The following FOXN3 variants were observed in gnomAD, a reference collection of about 807,000 sequenced individuals.
The protein encoded by FOXN3 is forkhead box N3.
Under a neutral mutation model 38.4 loss-of-function variants are expected in FOXN3, and 7 were observed. The ratio of observed to expected loss-of-function variants is 0.18; its 90% CI spans 0.10 to 0.34. The LOEUF is 0.34. Ranked by LOEUF, FOXN3 falls within the 10% of genes least tolerant of loss-of-function variation. The probability of loss-of-function intolerance (pLI) is 1.00; values close to 1 mark genes in which losing one functional copy is unlikely to be tolerated. For synonymous variants in FOXN3, 230 were observed against 242.2 expected (o/e 0.95, Z 0.47); for missense variants, 456 against 613.4 (o/e 0.74, Z 2.71).
rs865877004 is a variant in FOXN3 at position 89,349,403 on chromosome 14, C to T, written c.680+1269G>A. 10 of 152,290 alleles carry T rather than the reference C, an allele frequency of 6.6e-5. No individual in the cohort carries two copies. In the East Asian group the frequency reaches 1.2e-3, roughly 18 times the overall value. The allele number at this position is 152,290 out of a possible 1,614,324, so 9.4% of individuals were successfully genotyped here. A position where few individuals can be genotyped will look rare whatever the true frequency, so the allele number is the denominator to read the frequency against. ...ACAAAAGCTGCTACAACCTTCCCCC[C>T]CACACACCAAACCTTTCAAATCAAC... On this transcript the variant is annotated intron_variant, in intron 3 of 5. Coordinates refer to ENST00000557258, the MANE Select transcript of FOXN3 (RefSeq NM_005197.4).
chr14:89,419,905 A>T (rs1297975780), upstream of FOXN3: 1 of 152,272 alleles, frequency 6.6e-6, no homozygotes, highest in Non-Finnish European at 1.5e-5. Context: ...GAGCAGGTGC[A>T]GTCGGGAAGA....
chr14:89,271,233 T>C (rs1886143397), intron 4 of FOXN3, among the ~76,000 whole-genome samples: 2 of 152,256 alleles, frequency 1.3e-5, no homozygotes, highest in Non-Finnish European at 2.9e-5. Flanking sequence ...GCTCAGAATA[T>C]ATTCTAAAGA....
At chr14:89,405,540 C>T (rs1555351915) in intron 2 of FOXN3, among the ~76,000 whole-genome samples, 9 of 152,076 alleles carry the variant, frequency 5.9e-5, no homozygotes, top group Non-Finnish European at 1.3e-4. Context: ...AGTGTACACG[C>T]AGGGAGAAAA....
chr14:89,202,477 T>G (rs1296831142), intron 4 of FOXN3, among the ~76,000 whole-genome samples: 1 of 152,192 alleles, frequency 6.6e-6, no homozygotes, highest in Non-Finnish European at 1.5e-5. Flanking sequence ...CTCAAACATC[T>G]GGAAGGGGAT....
At chr14:89,468,209 T>C (rs140766813) in intron 1 of FOXN3, among the ~76,000 whole-genome samples, 2,538 of 151,994 alleles carry the variant, frequency 0.017, 61 homozygotes, top group African/African-American at 0.058. Context: ...ATCTCAGCAC[T>C]TTGGGAGGCT....
At position 89,413,656 on chromosome 14, in the gene FOXN3, A is replaced by AGAAGGGAAGGGAAGG. The variant is rs59949057; in HGVS notation, c.-14-1167_-14-1166insCCTTCCCTTCCCTTC. ...TCAAAAGTTTTGAAGAAGGTAAGGA[A>AGAAGGGAAGGGAAGG]GAAGGGAAGGGAATGGAAGAGAAGG... On this transcript the variant is annotated intron_variant, in intron 1 of 5. Transcript: ENST00000557258. Among the ~76,000 whole-genome samples the AGAAGGGAAGGGAAGG allele has an allele frequency of 3.9e-4, 51 of 130,196 alleles. 1 individual carries two copies. Among genetic ancestry groups the AGAAGGGAAGGGAAGG allele is most frequent in the Non-Finnish European group, 4.7e-4 (29 of 62,260 alleles). 85.4% of individuals were successfully genotyped at this position (130,196 alleles called of 152,430 possible). A position where few individuals can be genotyped will look rare whatever the true frequency, so the allele number is the denominator to read the frequency against.
At chr14:89,237,210 A>G (rs1486441554) in intron 4 of FOXN3, among the ~76,000 whole-genome samples, 1 of 152,256 alleles carries the variant, frequency 6.6e-6, no homozygotes, top group Non-Finnish European at 1.5e-5. Flanking sequence ...AGATTTGCAG[A>G]TGGCAAATAT....
At chr14:89,558,769 A>T (rs562391712) in intron 1 of FOXN3, among the ~76,000 whole-genome samples, 1 of 152,134 alleles carries the variant, frequency 6.6e-6, no homozygotes, top group Non-Finnish European at 1.5e-5. Flanking sequence ...GTGAGCAAGG[A>T]GCAGGTTGGG....
chr14:89,366,894 C>T (rs368538354), intron 2 of FOXN3, among the ~76,000 whole-genome samples: 2 of 152,120 alleles, frequency 1.3e-5, no homozygotes, highest in South Asian at 2.1e-4. Flanking sequence ...TCCGTAGTTA[C>T]TCATCTATTT....
chr14:89,540,488 A>G (rs1349137242), intron 1 of FOXN3, among the ~76,000 whole-genome samples: 1 of 152,194 alleles, frequency 6.6e-6, no homozygotes, highest in Non-Finnish European at 1.5e-5. Flanking sequence ...TAATCCCAGC[A>G]CTCTGGGAAG....
At chr14:89,475,626 G>A (rs946528833) in intron 1 of FOXN3, among the ~76,000 whole-genome samples, 61 of 152,316 alleles carry the variant, frequency 4.0e-4, no homozygotes, top group African/African-American at 1.1e-3. Flanking sequence ...CAGCACTCCA[G>A]CCTGGCCAGC....
At chr14:89,487,096 G>C (rs1893461549) in intron 1 of FOXN3, among the ~76,000 whole-genome samples, 1 of 152,130 alleles carries the variant, frequency 6.6e-6, no homozygotes, top group African/African-American at 2.4e-5. Context: ...GGTAGACCAA[G>C]TGTACACGCT....
At chr14:89,511,251 CT>C (rs1429965341) in intron 1 of FOXN3, among the ~76,000 whole-genome samples, 8 of 13,154 alleles carry the variant, frequency 6.1e-4, no homozygotes, top group African/African-American at 1.3e-3. Context: ...TCTTTCTTTT[CT>C]TTCTTTCTTT....
At chr14:89,463,641 G>A (rs1337187073) in intron 1 of FOXN3, among the ~76,000 whole-genome samples, 6 of 152,290 alleles carry the variant, frequency 3.9e-5, no homozygotes, top group African/African-American at 9.6e-5. Context: ...TCTGGCTCCT[G>A]AGACCTCTTC....
At chr14:89,491,522 T>C (rs1893575275) in intron 1 of FOXN3, among the ~76,000 whole-genome samples, 1 of 151,980 alleles carries the variant, frequency 6.6e-6, no homozygotes, top group Admixed American at 6.5e-5. Context: ...TCAGGACCCA[T>C]GGACAGGGGC....
At chr14:89,433,770 C>T (rs547107738) in intron 1 of FOXN3, among the ~76,000 whole-genome samples, 1 of 151,446 alleles carries the variant, frequency 6.6e-6, no homozygotes, top group Non-Finnish European at 1.5e-5. Context: ...TGAGATCACG[C>T]CACTTCACTC....
chr14:89,235,416 C>A (rs533163219), intron 4 of FOXN3, among the ~76,000 whole-genome samples: 1 of 152,306 alleles, frequency 6.6e-6, no homozygotes, highest in East Asian at 1.9e-4. Context: ...ACCAGCGGCT[C>A]TTGGAAACCA....
chr14:89,190,495 T>A, intron 4 of FOXN3: 1 of 1,233,302 alleles, frequency 8.1e-7, no homozygotes, highest in Non-Finnish European at 1.1e-6. Context: ...ACGGGGCCGG[T>A]GTGTGTGTGT....
At chr14:89,274,532 G>A (rs896482914) in intron 4 of FOXN3, among the ~76,000 whole-genome samples, 11 of 152,066 alleles carry the variant, frequency 7.2e-5, no homozygotes, top group Non-Finnish European at 1.0e-4. Context: ...ATTGTAAAAC[G>A]GGGTTGTGAG....
Sources: gnomAD v4.1 joint callset for allele counts (sites outside exome capture counted in the v4.1 genomes callset) on GRCh38, gnomAD v4.1.1 for gene constraint, MANE v1.5 for transcripts, NCBI Gene and HGNC (gene_info 2026-07-23, HGNC 2026-07-21) for gene names.